Variants in LAMA1 observed in about 807,000 individuals in gnomAD.
The protein encoded by LAMA1 is laminin subunit alpha-1.
Under a neutral mutation model 348.7 loss-of-function variants are expected in LAMA1, and 219 were observed. The observed-to-expected ratio is 0.63, with a 90% CI of 0.56 to 0.70. The LOEUF is 0.70. Among genes scored for constraint, LAMA1 ranks in the 30% least tolerant of loss-of-function variants. LAMA1 has a pLI of 0.00. For missense variants in LAMA1, 3,744 were observed against 3,888.0 expected, an observed-to-expected ratio of 0.96 and a Z score of 0.99; for synonymous variants, 1,487 against 1,491.0, an observed-to-expected ratio of 1.00 and a Z score of 0.06.
In LAMA1 at chr18:7,002,323, C is replaced by T. The variant is rs972253014; in HGVS notation, c.4323G>A (p.Lys1441=). 2 of 1,613,728 alleles carry T rather than the reference C, an allele frequency of 1.2e-6. No homozygotes were observed. Among genetic ancestry groups the T allele is most frequent in the Non-Finnish European group, 1.7e-6 (2 of 1,180,018 alleles). ...CDVCTSGYYG[K]VTGSASDCAL... Reference sequence around the variant, plus strand: ...CACAGTCACTTGCTGAGCCAGTCACCTTCCCGTAGTAGCCAGAAGTACACA... The same window carrying T: ...CACAGTCACTTGCTGAGCCAGTCACTTTCCCGTAGTAGCCAGAAGTACACA... Residue 1441 remains lysine, a synonymous_variant, in exon 30 of 63, where the codon AAG becomes AAA. Coordinates refer to ENST00000389658, the MANE Select transcript of LAMA1 (RefSeq NM_005559.4).
At chr18:7,076,619 C>A (rs1194486505) in intron 3 of LAMA1, among the ~76,000 whole-genome samples, 3 of 148,188 alleles carry the variant, frequency 2.0e-5, no homozygotes, top group Non-Finnish European at 3.0e-5. Context: ...ATTTAAGAAG[C>A]ATAGCAATCC....
At chr18:6,950,742 G>C in intron 58 of LAMA1, 40 bp downstream of exon 58, 1 of 1,607,522 alleles carries the variant, frequency 6.2e-7, no homozygotes, top group Non-Finnish European at 8.5e-7. Context: ...AGATGGAACA[G>C]AACTCAGAAG....
intron 3 of LAMA1, among the ~76,000 whole-genome samples, chr18:7,062,317 G>A (rs2058105486): frequency 6.6e-6 from 1 of 152,196 alleles, no homozygotes; most frequent in Non-Finnish European, 1.5e-5. Context: ...GAAACCAGAT[G>A]AGAGATGTCC....
At position 6,950,857 on chromosome 18, in the gene LAMA1, G is replaced by A; in HGVS notation, c.8322C>T (p.His2774=). ...TGCCTTTGCCAAGGTCAAACATGAA[G>A]TGGAGGCGGCCCCCGTGCAGCTGGA... is the stretch of plus-strand genomic sequence containing the variant. The part of the protein sequence containing the change: ...AVLQLHGGRL[H]FMFDLGKGRT... Residue 2774 remains histidine (H), a synonymous_variant, in exon 58 of 63, where the codon CAC becomes CAT. Transcript: ENST00000389658. 1.2e-6 allele frequency: 2 copies of A among 1,614,214 alleles called. No individual in the cohort carries two copies. The highest frequency in any genetic ancestry group is 2.2e-5 in the South Asian group (2 of 91,086).
chr18:7,012,183 AT>A (rs1327508996), intron 23 of LAMA1, 45 bp from the exon 24 acceptor site: 7 of 1,598,634 alleles, frequency 4.4e-6, no homozygotes, highest in Non-Finnish European at 6.0e-6. Flanking sequence ...TAAAAAAGAG[AT>A]GTGATTTCTG....
intron 36 of LAMA1, among the ~76,000 whole-genome samples, chr18:6,991,940 TG>T (rs1412517216): frequency 6.6e-6 from 1 of 152,232 alleles, no homozygotes; most frequent in Non-Finnish European, 1.5e-5. Flanking sequence ...TAAAGTATCA[TG>T]TAACTATTTA....
intron 36 of LAMA1, among the ~76,000 whole-genome samples, chr18:6,987,045 C>T (rs1458509897): frequency 6.6e-6 from 1 of 152,178 alleles, no homozygotes. Context: ...AGGCGTAAGC[C>T]ACTGCGCCCG....
rs1417075801 is a variant in LAMA1, at chr18:7,050,845, A to C, written c.437T>G (p.Phe146Cys). The C allele has an allele frequency of 6.2e-7, 1 of 1,614,100 alleles. No homozygotes were observed. Among genetic ancestry groups the C allele is most frequent in the Non-Finnish European group, 8.5e-7 (1 of 1,180,054 alleles). ...GACTGCATAATACTGCCAGGGGCTG[A>C]ACGTGGTGCCATCCAGAGAACGCTC... is the stretch of plus-strand genomic sequence containing the variant. ...ILERSLDGTT[F>C]SPWQYYAVSD... Residue 146 changes from phenylalanine (F) to cysteine (C), a missense_variant, in exon 4 of 63, where the codon TTC (phenylalanine) becomes TGC (cysteine). Physicochemically the swap from Phe to Cys is radical, Grantham distance 205. This residue lies in a region of LAMA1 where 1,529 missense variants were observed against 1,689.4 expected (regional missense o/e 0.91). Coordinates refer to ENST00000389658, the MANE Select transcript of LAMA1 (RefSeq NM_005559.4).
chr18:6,978,946 A>C (rs1408309470), intron 42 of LAMA1, among the ~76,000 whole-genome samples: 1 of 152,242 alleles, frequency 6.6e-6, no homozygotes, highest in African/African-American at 2.4e-5. Context: ...CAGCCACTCA[A>C]GGTAAATTGG....
intron 33 of LAMA1, among the ~76,000 whole-genome samples, chr18:6,997,012 A>C (rs1222238530): frequency 6.6e-6 from 1 of 151,922 alleles, no homozygotes; most frequent in Non-Finnish European, 1.5e-5. Context: ...AAAATAATAT[A>C]CCTTAAAGAA....
chr18:6,982,419 G>A, intron 41 of LAMA1, 78 bp downstream of exon 41: 3 of 1,147,560 alleles, frequency 2.6e-6, no homozygotes, highest in Non-Finnish European at 2.7e-6. Context: ...TGCATGCAAG[G>A]AGAACATTCT....
At chr18:7,113,014 C>T (rs1189676942) in intron 1 of LAMA1, among the ~76,000 whole-genome samples, 1 of 152,190 alleles carries the variant, frequency 6.6e-6, no homozygotes, top group Non-Finnish European at 1.5e-5. Flanking sequence ...GAAGTGGCTA[C>T]TAACTGCTAG....
chr18:6,971,737 C>T, intron 48 of LAMA1, 120 bp downstream of exon 48: 2 of 1,382,282 alleles, frequency 1.4e-6, no homozygotes, highest in Non-Finnish European at 2.0e-6. Flanking sequence ...GGCAGCTAAA[C>T]ACCTACCAGC....
chr18:7,057,471 CTTTTTTTTTT>C (rs552843703), intron 3 of LAMA1, among the ~76,000 whole-genome samples: 8 of 90,808 alleles, frequency 8.8e-5, no homozygotes, highest in East Asian at 5.8e-4. Flanking sequence ...CTTTTCTTTT[CTTTTTTTTTT>C]TTTTTTTTTT....
chr18:7,071,791 C>T (rs1166963847), intron 3 of LAMA1, among the ~76,000 whole-genome samples: 2 of 152,126 alleles, frequency 1.3e-5, no homozygotes, highest in Non-Finnish European at 2.9e-5. Flanking sequence ...TGAGTCCTAC[C>T]CTTGAGCAAG....
intron 3 of LAMA1, among the ~76,000 whole-genome samples, chr18:7,074,562 T>A (rs2058159211): frequency 6.6e-6 from 1 of 152,236 alleles, no homozygotes; most frequent in South Asian, 2.1e-4. Flanking sequence ...GTGGTAGTAT[T>A]GATATATGAG....
intron 29 of LAMA1, among the ~76,000 whole-genome samples, chr18:7,004,145 G>A (rs1044360019): frequency 6.6e-6 from 1 of 152,152 alleles, no homozygotes; most frequent in Non-Finnish European, 1.5e-5. Flanking sequence ...AGGGAAACAA[G>A]GACCCCCTAA....
intron 22 of LAMA1, among the ~76,000 whole-genome samples, chr18:7,014,336 T>C (rs1469579803): frequency 6.6e-6 from 1 of 152,112 alleles, no homozygotes; most frequent in Non-Finnish European, 1.5e-5. Flanking sequence ...ACTGTAGAAA[T>C]CAGGCCAGGC....
rs181917332 is a variant in LAMA1 at position 7,026,698 on chromosome 18, A to T, written c.2275-592T>A. 7.4e-3 allele frequency among the ~76,000 whole-genome samples: 1,130 copies of T among 151,718 alleles called. 8 individuals are homozygous for T. The highest frequency in any genetic ancestry group is 0.021 in the Middle Eastern group (6 of 290). Reference sequence around the variant, plus strand: ...AGAACCAAGGACATTGTATTTTTTTAAAAAAATGATCATATTCGGCCAGGT... The same window carrying T: ...AGAACCAAGGACATTGTATTTTTTTTAAAAAATGATCATATTCGGCCAGGT... On this transcript the variant is annotated intron_variant, in intron 16 of 62. Transcript: ENST00000389658.
Sources: gnomAD v4.1 joint callset for allele counts (sites outside exome capture counted in the v4.1 genomes callset) on GRCh38, gnomAD v4.1.1 for gene constraint, gnomAD v4.1.1 regional missense constraint, MANE v1.5 for transcripts, NCBI Gene and HGNC (gene_info 2026-07-23, HGNC 2026-07-21) for gene names.